Variants in TRIM71 observed in about 807,000 individuals in gnomAD.
TRIM71 encodes tripartite motif containing 71.
Under a neutral mutation model 61.2 loss-of-function variants are expected in TRIM71, and 9 were observed. The observed-to-expected ratio is 0.15, with a 90% CI of 0.09 to 0.26. TRIM71 has a LOEUF of 0.26. Ranked by LOEUF, TRIM71 falls within the 10% of genes least tolerant of loss-of-function variation. The probability of loss-of-function intolerance (pLI) is 1.00; values close to 1 mark genes in which losing one functional copy is unlikely to be tolerated. For missense variants in TRIM71, 998 were observed against 1,238.7 expected (o/e 0.81, Z 2.92); for synonymous variants, 645 against 553.2 (o/e 1.17, Z -2.33).
chr3:32,827,967 G>A (rs1000554101), intron 1 of TRIM71, among the ~76,000 whole-genome samples: 1 of 152,130 alleles, frequency 6.6e-6, no homozygotes, highest in African/African-American at 2.4e-5. Flanking sequence ...GACTAATTGG[G>A]ATAATTATTA....
Position 32,890,322 on chromosome 3 carries a change from G to A in TRIM71, c.1156-38G>A, listed in dbSNP as rs2125693401. 2 of 1,586,588 alleles carry A rather than the reference G, an allele frequency of 1.3e-6. No individual in the cohort carries two copies. Among genetic ancestry groups the A allele is most frequent in the East Asian group, 2.3e-5 (1 of 44,394 alleles). Reference sequence around the variant, plus strand: ...TGGTATTTTCTGTGCTTGGCTCTAAGCCTCTGTGTCTTTCTCCACTCTTGC... The same window carrying A: ...TGGTATTTTCTGTGCTTGGCTCTAAACCTCTGTGTCTTTCTCCACTCTTGC... On this transcript the variant is annotated intron_variant, in intron 3 of 3. Coordinates refer to ENST00000383763, the MANE Select transcript of TRIM71 (RefSeq NM_001039111.3). The surrounding 1 kb of genome is among the most constrained non-coding windows in gnomAD (Gnocchi z 6.2).
intron 1 of TRIM71, among the ~76,000 whole-genome samples, chr3:32,859,968 T>C (rs375034587): frequency 6.6e-6 from 1 of 152,156 alleles, no homozygotes; most frequent in East Asian, 1.9e-4. Context: ...ACCTAAGGAA[T>C]CCAGCTTTCC....
chr3:32,871,552 G>A (rs370671055), intron 1 of TRIM71, among the ~76,000 whole-genome samples: 2 of 152,182 alleles, frequency 1.3e-5, no homozygotes, highest in Non-Finnish European at 2.9e-5. Context: ...GGAAAGGAAC[G>A]TCGTTCAAAC....
chr3:32,824,222 G>C (rs2125673920), intron 1 of TRIM71, among the ~76,000 whole-genome samples: 1 of 152,172 alleles, frequency 6.6e-6, no homozygotes, highest in Admixed American at 6.5e-5. Context: ...TTGTTATCCA[G>C]GCTGGAGTGC....
At position 32,890,722 on chromosome 3, in the gene TRIM71, A is replaced by G. The variant is rs1697015191; in HGVS notation, c.1518A>G (p.Thr506=). 3.1e-6 allele frequency: 5 copies of G among 1,614,084 alleles called. No homozygotes were observed. The highest frequency in any genetic ancestry group is 4.2e-6 in the Non-Finnish European group (5 of 1,180,028). Residue 506 remains threonine (T), a synonymous_variant, in exon 4 of 4, where the codon ACA becomes ACG. Transcript: ENST00000383763. This position sits in a 1 kb window ranked among gnomAD's most constrained non-coding sequence, Gnocchi z 6.2. ...RALQGKVASF[T]VIGYDHDGEP... Reference sequence around the variant, plus strand: ...TCCAGGGTAAGGTGGCCTCCTTCACAGTCATTGGTTATGACCACGATGGTG... The same window carrying G: ...TCCAGGGTAAGGTGGCCTCCTTCACGGTCATTGGTTATGACCACGATGGTG...
intron 2 of TRIM71, among the ~76,000 whole-genome samples, chr3:32,874,683 C>T (rs574842065): frequency 1.4e-4 from 22 of 151,980 alleles, no homozygotes; most frequent in South Asian, 2.1e-4. Context: ...CCACCACGCC[C>T]GGCTAATTTT....
chr3:32,833,046 G>A (rs772598759), intron 1 of TRIM71, among the ~76,000 whole-genome samples: 2 of 151,638 alleles, frequency 1.3e-5, no homozygotes, highest in Non-Finnish European at 2.9e-5. Context: ...TTAGTGTTAC[G>A]AACCTGTCAT....
intron 1 of TRIM71, among the ~76,000 whole-genome samples, chr3:32,849,151 T>C (rs1466561338): frequency 2.0e-5 from 3 of 152,108 alleles, no homozygotes; most frequent in Non-Finnish European, 2.9e-5. Flanking sequence ...TGTTGGAAAA[T>C]AAGCCCCTCA....
At position 32,896,340 on chromosome 3, in the gene TRIM71, T is replaced by C. The variant is rs1697077631; in HGVS notation, c.*4529T>C. ...CCCGGCAGGACGTTCATCACCATGA[T>C]GTTGCAACAATCACTGTTTTGACTG... On this transcript the variant is annotated 3_prime_UTR_variant, in exon 4 of 4. Coordinates refer to ENST00000383763, the MANE Select transcript of TRIM71 (RefSeq NM_001039111.3). 2 of 152,236 alleles carry C rather than the reference T, an allele frequency of 1.3e-5. No homozygotes were observed. Among genetic ancestry groups the C allele is most frequent in the Admixed American group, 1.3e-4 (2 of 15,280 alleles). The allele number at this position is 152,236 out of a possible 1,614,324, so 9.4% of individuals were successfully genotyped here.
chr3:32,835,965 A>G (rs1263705188), intron 1 of TRIM71, among the ~76,000 whole-genome samples: 2 of 152,186 alleles, frequency 1.3e-5, no homozygotes, highest in Non-Finnish European at 1.5e-5. Flanking sequence ...CTTGCTGGTC[A>G]TTACTTGCTC....
chr3:32,876,276 G>A (rs975494074), intron 2 of TRIM71, among the ~76,000 whole-genome samples: 99 of 152,232 alleles, frequency 6.5e-4, no homozygotes, highest in Middle Eastern at 3.4e-3. Context: ...CTGTGGCATC[G>A]CCTGAGGAAC....
intron 1 of TRIM71, among the ~76,000 whole-genome samples, chr3:32,819,933 T>C (rs1430723958): frequency 1.3e-5 from 2 of 152,284 alleles, no homozygotes; most frequent in Admixed American, 1.3e-4. Flanking sequence ...CCCTTTGGGC[T>C]GTCGAGTAAA....
intron 1 of TRIM71, among the ~76,000 whole-genome samples, chr3:32,827,305 C>T (rs1696214516): frequency 7.0e-6 from 1 of 143,304 alleles, no homozygotes; most frequent in South Asian, 2.2e-4. Context: ...ACTCTGTTGC[C>T]TAGGCTGGAG....
chr3:32,891,072 C>G lies in TRIM71; in HGVS notation c.1868C>G (p.Ala623Gly). ...GACAAGGAGGGCTACATCATTGTCGCCGACCGCAGCAACAACCGCATCCAG... is the reference window on the plus strand; with the variant it reads ...GACAAGGAGGGCTACATCATTGTCGGCGACCGCAGCAACAACCGCATCCAG... Reference protein sequence around the residue: ...SVDKEGYIIVADRSNNRIQVF... With the variant: ...SVDKEGYIIVGDRSNNRIQVF... Residue 623 changes from alanine to glycine, a missense_variant, in exon 4 of 4, where the codon GCC (alanine) becomes GGC (glycine). By Grantham distance (60) the Ala-to-Gly change is moderately conservative. Around this residue, in one of 5 missense-constraint regions of TRIM71, gnomAD observed 83 missense variants for 202.7 expected, o/e 0.41. Coordinates refer to ENST00000383763, the MANE Select transcript of TRIM71 (RefSeq NM_001039111.3). The surrounding 1 kb of genome is among the most constrained non-coding windows in gnomAD (Gnocchi z 8.2). 6.2e-7 allele frequency: 1 copy of G among 1,612,076 alleles called. No homozygotes were observed. Among genetic ancestry groups the G allele is most frequent in the Non-Finnish European group, 8.5e-7 (1 of 1,179,888 alleles).
chr3:32,824,791 CCTTTT>C (rs1696182237), intron 1 of TRIM71, among the ~76,000 whole-genome samples: 1 of 151,982 alleles, frequency 6.6e-6, no homozygotes, highest in South Asian at 2.1e-4. Context: ...GCTAGATAGT[CCTTTT>C]CTTTTCTTTT....
intron 1 of TRIM71, among the ~76,000 whole-genome samples, chr3:32,867,919 G>T (rs1696756613): frequency 6.6e-6 from 1 of 151,946 alleles, no homozygotes; most frequent in Admixed American, 6.6e-5. Flanking sequence ...GCTTGTGTGT[G>T]GTGTGTGTGT....
At chr3:32,845,046 A>G (rs1696456634) in intron 1 of TRIM71, among the ~76,000 whole-genome samples, 1 of 152,226 alleles carries the variant, frequency 6.6e-6, no homozygotes, top group African/African-American at 2.4e-5. Flanking sequence ...GAGGCTGTGC[A>G]TCTGAGGGCC....
chr3:32,818,147 G>C lies in TRIM71; in HGVS notation c.67G>C (p.Ala23Pro), dbSNP rs1310643237. 6.2e-7 allele frequency: 1 copy of C among 1,610,596 alleles called. No homozygotes were observed. Among genetic ancestry groups the C allele is most frequent in the Non-Finnish European group, 8.5e-7 (1 of 1,178,660 alleles). ...GTGCAAGGAGATGTGCGGCTCGCCGGCGCCGCTCTCCTCCAACTCGTCCGC... is the reference window on the plus strand; with the variant it reads ...GTGCAAGGAGATGTGCGGCTCGCCGCCGCCGCTCTCCTCCAACTCGTCCGC... ...LLCKEMCGSP[A>P]PLSSNSSASS... Residue 23 changes from alanine (A) to proline (P), a missense_variant, in exon 1 of 4, where the codon GCG becomes CCG. By Grantham distance (27) the Ala-to-Pro change is conservative (BLOSUM62 -1). Around this residue, in one of 5 missense-constraint regions of TRIM71, gnomAD observed 527 missense variants for 427.8 expected, o/e 1.23. Transcript: ENST00000383763.
At position 32,891,975 on chromosome 3, in the gene TRIM71, C is replaced by CT; in HGVS notation, c.*166dup. On this transcript the variant is annotated 3_prime_UTR_variant, in exon 4 of 4. Transcript: ENST00000383763. The surrounding 1 kb of genome is among the most constrained non-coding windows in gnomAD (Gnocchi z 8.2). ...AGAGAACAAGAAAAGTACAACATTG[C>CT]TTAAGTCCTACCTCATCTTTATTTT... is the stretch of plus-strand genomic sequence containing the variant. 1 of 986,440 alleles carries CT rather than the reference C, an allele frequency of 1.0e-6. No homozygotes were observed. The highest frequency in any genetic ancestry group is 1.4e-6 in the Non-Finnish European group (1 of 703,360). 61.1% of individuals were successfully genotyped at this position (986,440 alleles called of 1,614,324 possible). A position where few individuals can be genotyped will look rare whatever the true frequency, so the allele number is the denominator to read the frequency against.
Sources: allele counts gnomAD v4.1 joint callset (sites outside exome capture counted in the v4.1 genomes callset), GRCh38; gene constraint gnomAD v4.1.1; regional missense constraint gnomAD v4.1.1; non-coding constraint Gnocchi (gnomAD v3.1); transcripts MANE v1.5; gene names NCBI Gene and HGNC (gene_info 2026-07-23, HGNC 2026-07-21).